ABHD17C: variants seen among roughly 807,000 people sequenced by gnomAD.
ABHD17C encodes abhydrolase domain containing 17C, depalmitoylase.
A neutral mutation model predicts 27.9 loss-of-function variants in ABHD17C; 11 were observed. The ratio of observed to expected loss-of-function variants is 0.39; its 90% CI spans 0.25 to 0.65. The LOEUF is 0.65. ABHD17C is among the 30% of genes least tolerant of loss of function. The pLI is 0.45. For synonymous variants in ABHD17C, 233 were observed against 209.1 expected, an observed-to-expected ratio of 1.11 and a Z score of -0.98; for missense variants, 280 against 470.2, an observed-to-expected ratio of 0.60 and a Z score of 3.74.
chr15:80,750,683 AG>A (rs1053325252), intron 2 of ABHD17C, among the ~76,000 whole-genome samples: 7 of 152,274 alleles, frequency 4.6e-5, no homozygotes, highest in East Asian at 1.9e-4. Context: ...GGATTCAATG[AG>A]ATTCGGCTTC....
At chr15:80,696,793 GA>G (rs1296755720) in intron 1 of ABHD17C, among the ~76,000 whole-genome samples, 1 of 152,204 alleles carries the variant, frequency 6.6e-6, no homozygotes, top group Non-Finnish European at 1.5e-5. Context: ...TTAGGGGTTA[GA>G]CCTGGTTGTT....
chr15:80,708,286 C>T (rs1894676009), intron 1 of ABHD17C, among the ~76,000 whole-genome samples: 1 of 151,972 alleles, frequency 6.6e-6, no homozygotes, highest in Non-Finnish European at 1.5e-5. Context: ...TCACATTCTT[C>T]TCTATTTTTT....
At position 80,726,261 on chromosome 15, in the gene ABHD17C, A is replaced by G. The variant is rs1894973557; in HGVS notation, c.591-23252A>G. Reference sequence around the variant, plus strand: ...TCCTTGCCCTCATTCCCATAAACCCACAACCTTCCAGCTTGGGTGTTAGGG... The same window carrying G: ...TCCTTGCCCTCATTCCCATAAACCCGCAACCTTCCAGCTTGGGTGTTAGGG... On this transcript the variant is annotated intron_variant, in intron 1 of 2. Transcript: ENST00000258884. 2.0e-5 allele frequency among the ~76,000 whole-genome samples: 3 copies of G among 152,220 alleles called. No homozygotes were observed. In the South Asian group the frequency reaches 6.2e-4, roughly 32 times the overall value.
At chr15:80,746,690 A>G (rs1468854304) in intron 1 of ABHD17C, among the ~76,000 whole-genome samples, 1 of 152,200 alleles carries the variant, frequency 6.6e-6, no homozygotes, top group Non-Finnish European at 1.5e-5. Context: ...CTGGTCCAGG[A>G]CATTGGCAGG....
chr15:80,715,060 C>T (rs763512530), intron 1 of ABHD17C, among the ~76,000 whole-genome samples: 3 of 152,110 alleles, frequency 2.0e-5, no homozygotes, highest in Non-Finnish European at 2.9e-5. Context: ...GGATTACAGG[C>T]GTGAGCCACC....
chr15:80,751,977 C>T (rs1895371682), intron 2 of ABHD17C, among the ~76,000 whole-genome samples: 1 of 152,158 alleles, frequency 6.6e-6, no homozygotes, highest in African/African-American at 2.4e-5. Context: ...TTGCACATTT[C>T]CTTTTAATAT....
chr15:80,732,581 G>T (rs1895071893), intron 1 of ABHD17C, among the ~76,000 whole-genome samples: 1 of 152,092 alleles, frequency 6.6e-6, no homozygotes, highest in South Asian at 2.1e-4. Context: ...CGGGGTGGGG[G>T]GATAGAAGGT....
Sources: allele counts gnomAD v4.1 joint callset (sites outside exome capture counted in the v4.1 genomes callset), GRCh38; gene constraint gnomAD v4.1.1; transcripts MANE v1.5; gene names NCBI Gene and HGNC (gene_info 2026-07-23, HGNC 2026-07-21).